Variants in NF1 observed in about 807,000 individuals in gnomAD.
NF1 encodes neurofibromin 1.
A neutral mutation model predicts 325.7 loss-of-function variants in NF1; 122 were observed. That is an observed-to-expected ratio of 0.37 (90% confidence interval 0.32 to 0.44). The LOEUF (loss-of-function observed/expected upper bound fraction) is 0.44, where lower values mean the gene tolerates loss of function less well. Among genes scored for constraint, NF1 ranks in the 20% least tolerant of loss-of-function variants. The pLI is 1.00. For missense variants in NF1, 2,140 were observed against 3,415.4 expected, an observed-to-expected ratio of 0.63 and a Z score of 9.31; for synonymous variants, 1,091 against 1,186.0, an observed-to-expected ratio of 0.92 and a Z score of 1.65.
At chr17:31,239,007 A>T (rs549815429) in intron 29 of NF1, among the ~76,000 whole-genome samples, 3 of 152,210 alleles carry the variant, frequency 2.0e-5, no homozygotes, top group Admixed American at 2.0e-4. Context: ...ATGACCCAAT[A>T]CATCTTGTCT....
At chr17:31,301,843 A>AC (rs2068579861) in intron 36 of NF1, among the ~76,000 whole-genome samples, 1 of 152,214 alleles carries the variant, frequency 6.6e-6, no homozygotes, top group African/African-American at 2.4e-5. Flanking sequence ...TAAGAGCACC[A>AC]CTAGTATGTG....
At chr17:31,335,275 T>TTTTTATATATATATATAC (rs2069623094) in intron 40 of NF1, among the ~76,000 whole-genome samples, 1 of 111,456 alleles carries the variant, frequency 9.0e-6, no homozygotes, top group African/African-American at 3.9e-5. Context: ...AAGGCATAAT[T>TTTTTATATATATATATAC]ATATATATAT....
chr17:31,280,516 CAA>C (rs57193583), intron 36 of NF1, among the ~76,000 whole-genome samples: 7 of 79,536 alleles, frequency 8.8e-5, no homozygotes, highest in Admixed American at 1.3e-4. Flanking sequence ...GACTCTGTCT[CAA>C]AAAAAAAAAA....
At chr17:31,128,848 C>A (rs1302136933) in intron 1 of NF1, among the ~76,000 whole-genome samples, 1 of 151,996 alleles carries the variant, frequency 6.6e-6, no homozygotes, top group East Asian at 1.9e-4. Context: ...CGTAAGTAAA[C>A]CCGGGAGGCG....
chr17:31,119,152 A>G (rs979599659), intron 1 of NF1, among the ~76,000 whole-genome samples: 2 of 152,122 alleles, frequency 1.3e-5, no homozygotes, highest in Admixed American at 6.5e-5. Flanking sequence ...CATGTTGGGC[A>G]GGATGGTCTT....
At chr17:31,142,568 TAATGAGGCCGGA>T in intron 1 of NF1, among the ~76,000 whole-genome samples, 1 of 152,274 alleles carries the variant, frequency 6.6e-6, no homozygotes, top group African/African-American at 2.4e-5. Context: ...TAAAAATTAT[TAATGAGGCCGGA>T]AATGAGGCCG....
chr17:31,204,680 T>TA (rs1002922004), intron 11 of NF1, among the ~76,000 whole-genome samples: 2 of 152,018 alleles, frequency 1.3e-5, no homozygotes, highest in Non-Finnish European at 2.9e-5. Flanking sequence ...CAAAAGCTAT[T>TA]AAAAAAAGAC....
rs34391793 is a variant in NF1, at chr17:31,142,866, C to CA, written c.61-13102dup. On this transcript the variant is annotated intron_variant, in intron 1 of 57. Transcript: ENST00000358273. ...TGGGCGATAGAGCGAGACTCTGTCT[C>CA]AAAAAAAAAAAAAAATTATTAATGA... Among the ~76,000 whole-genome samples the CA allele has an allele frequency of 7.3e-3, 1,013 of 138,258 alleles. 13 individuals carry two copies. Among genetic ancestry groups the CA allele is most frequent in the African/African-American group, 0.026 (912 of 35,024 alleles). 90.7% of individuals were successfully genotyped at this position (138,258 alleles called of 152,430 possible).
intron 1 of NF1, among the ~76,000 whole-genome samples, chr17:31,149,955 AAGAG>A (rs1018503512): frequency 3.3e-5 from 5 of 152,206 alleles, no homozygotes; most frequent in Admixed American, 2.0e-4. Context: ...CATGGAGTGA[AAGAG>A]AGAGAGAGTA....
intron 29 of NF1, among the ~76,000 whole-genome samples, chr17:31,245,976 T>G (rs1757485811): frequency 6.6e-6 from 1 of 152,144 alleles, no homozygotes; most frequent in African/African-American, 2.4e-5. Flanking sequence ...ACCAGTCATC[T>G]CATTATCATA....
At position 31,183,289 on chromosome 17, in the gene NF1, A is replaced by AT. The variant is rs58707782; in HGVS notation, c.888+634dup. 0.027 allele frequency: 4,247 copies of AT among 155,826 alleles called. 69 individuals carry two copies. Among genetic ancestry groups the AT allele is most frequent in the African/African-American group, 0.048 (1,964 of 41,274 alleles). 9.7% of individuals were successfully genotyped at this position (155,826 alleles called of 1,614,324 possible). On this transcript the variant is annotated intron_variant, in intron 8 of 57. Coordinates refer to ENST00000358273, the MANE Select transcript of NF1 (RefSeq NM_001042492.3). ...TCAATATGCAGTTTGTTTTGCAAAT[A>AT]TTTTTTTTTTCATTTTTTGCTGCTT...
chr17:31,182,022 G>T (rs907425577), intron 7 of NF1, among the ~76,000 whole-genome samples: 1 of 152,194 alleles, frequency 6.6e-6, no homozygotes, highest in Non-Finnish European at 1.5e-5. Context: ...GATCTTTAGA[G>T]CTGTGATAGG....
At chr17:31,338,831 C>A in intron 46 of NF1, 26 bp downstream of exon 46, 1 of 1,422,988 alleles carries the variant, frequency 7.0e-7, no homozygotes, top group Non-Finnish European at 9.9e-7. Context: ...AAAATGAGTG[C>A]ATTCATTTTG....
intron 1 of NF1, among the ~76,000 whole-genome samples, chr17:31,101,047 T>G (rs1912281803): frequency 6.6e-6 from 1 of 151,892 alleles, no homozygotes. Context: ...GTCCTGCAGC[T>G]CTCTCTCTGT....
At chr17:31,118,886 A>T (rs1454229945) in intron 1 of NF1, among the ~76,000 whole-genome samples, 1 of 151,936 alleles carries the variant, frequency 6.6e-6, no homozygotes, top group Non-Finnish European at 1.5e-5. Context: ...ACAATGGTTG[A>T]ACTAATTTAC....
At chr17:31,234,552 A>G (rs1643927439) in intron 27 of NF1, among the ~76,000 whole-genome samples, 1 of 151,448 alleles carries the variant, frequency 6.6e-6, no homozygotes, top group African/African-American at 2.4e-5. Flanking sequence ...GGCAGGTGCC[A>G]ATAGTCCCAG....
chr17:31,276,626 T>A (rs577284661), intron 36 of NF1, among the ~76,000 whole-genome samples: 125 of 152,324 alleles, frequency 8.2e-4, no homozygotes, highest in African/African-American at 2.7e-3. Context: ...TGGATATTAA[T>A]GTTGCGCTGC....
chr17:31,117,534 G>C (rs1175682499), intron 1 of NF1, among the ~76,000 whole-genome samples: 2 of 150,886 alleles, frequency 1.3e-5, no homozygotes, highest in South Asian at 2.1e-4. Flanking sequence ...TTAGCTGGGC[G>C]TGGTGGCGGG....
chr17:31,234,709 T>C (rs571855418), intron 27 of NF1, among the ~76,000 whole-genome samples: 1 of 149,380 alleles, frequency 6.7e-6, no homozygotes, highest in Admixed American at 6.6e-5. Flanking sequence ...ATCATTTAGT[T>C]CAAGTAGCTT....
Sources: allele counts gnomAD v4.1 joint callset (sites outside exome capture counted in the v4.1 genomes callset), GRCh38; gene constraint gnomAD v4.1.1; transcripts MANE v1.5; gene names NCBI Gene and HGNC (gene_info 2026-07-23, HGNC 2026-07-21).